CTNNA2: variants seen among roughly 807,000 people sequenced by gnomAD.
CTNNA2 encodes catenin alpha-2.
CTNNA2 carries 42 observed loss-of-function variants against 101.0 expected under a neutral mutation model. The ratio of observed to expected loss-of-function variants is 0.42; its 90% CI spans 0.32 to 0.54. The LOEUF (loss-of-function observed/expected upper bound fraction) is 0.54. CTNNA2 is among the 20% of genes least tolerant of loss of function. CTNNA2 has a pLI of 0.14. For missense variants in CTNNA2, 871 were observed against 1,223.1 expected (o/e 0.71, Z 4.29); for synonymous variants, 450 against 456.4 (o/e 0.99, Z 0.18).
intron 7 of CTNNA2, among the ~76,000 whole-genome samples, chr2:80,195,237 G>T (rs988606802): frequency 2.6e-5 from 4 of 151,982 alleles, no homozygotes; most frequent in African/African-American, 9.7e-5. Context: ...ACTCCAATAG[G>T]ACTATAAGCA....
At chr2:79,915,696 G>A (rs2916515) in intron 7 of CTNNA2, among the ~76,000 whole-genome samples, 89,438 of 151,990 alleles carry the variant, frequency 0.59, 26,509 homozygotes, top group East Asian at 0.78. Flanking sequence ...TTGTGCAATC[G>A]GATTTTTGCA....
At chr2:80,590,078 G>GC (rs1696332726) in intron 15 of CTNNA2, among the ~76,000 whole-genome samples, 1 of 152,200 alleles carries the variant, frequency 6.6e-6, no homozygotes, top group African/African-American at 2.4e-5. Flanking sequence ...TTAGCTCTGA[G>GC]CTAGTACCTT....
At chr2:79,237,844 C>G (rs144492139) in intron 2 of CTNNA2, among the ~76,000 whole-genome samples, 2 of 152,308 alleles carry the variant, frequency 1.3e-5, no homozygotes, top group Admixed American at 1.3e-4. Context: ...GGTCTTTTCT[C>G]TGGATTAGAC....
intron 7 of CTNNA2, among the ~76,000 whole-genome samples, chr2:80,143,922 G>A (rs17018687): frequency 1.3e-5 from 2 of 152,088 alleles, no homozygotes; most frequent in African/African-American, 4.8e-5. Flanking sequence ...ATCTGCAGGG[G>A]TACTTAAAGC....
chr2:80,180,608 T>C (rs1284969690), intron 7 of CTNNA2, among the ~76,000 whole-genome samples: 4 of 152,210 alleles, frequency 2.6e-5, no homozygotes, highest in African/African-American at 9.6e-5. Flanking sequence ...GTTCCTCTTG[T>C]AAGATCTGCC....
chr2:79,622,375 T>A (rs1429372426), intron 1 of CTNNA2, among the ~76,000 whole-genome samples: 2 of 152,116 alleles, frequency 1.3e-5, no homozygotes, highest in Non-Finnish European at 2.9e-5. Context: ...TCTGAAACAG[T>A]GAACAGATAA....
At chr2:79,751,526 G>A (rs1672034503) in intron 3 of CTNNA2, among the ~76,000 whole-genome samples, 1 of 148,520 alleles carries the variant, frequency 6.7e-6, no homozygotes, top group South Asian at 2.2e-4. Context: ...AACCTGGGAG[G>A]CGGAGGTTGC....
chr2:80,036,727 G>C (rs940052280), intron 7 of CTNNA2, among the ~76,000 whole-genome samples: 2 of 152,064 alleles, frequency 1.3e-5, no homozygotes, highest in Non-Finnish European at 2.9e-5. Context: ...GGTGGGTGGG[G>C]AAGCCAAGCA....
intron 7 of CTNNA2, among the ~76,000 whole-genome samples, chr2:80,026,429 T>A (rs1490550148): frequency 6.6e-6 from 1 of 152,210 alleles, no homozygotes; most frequent in East Asian, 1.9e-4. Flanking sequence ...GAGCTGTGAC[T>A]TAACCTTTCA....
chr2:80,374,678 C>CGTGCGTGTGTGT (rs1193858370), intron 7 of CTNNA2, among the ~76,000 whole-genome samples: 2 of 143,148 alleles, frequency 1.4e-5, no homozygotes, highest in Non-Finnish European at 3.0e-5. Flanking sequence ...TGCGTGCGTG[C>CGTGCGTGTGTGT]GTGCGTGTGT....
chr2:79,643,630 A>G (rs1212566758), intron 1 of CTNNA2, among the ~76,000 whole-genome samples: 1 of 152,088 alleles, frequency 6.6e-6, no homozygotes, highest in Non-Finnish European at 1.5e-5. Flanking sequence ...TTGTATTACC[A>G]CTTAGTTTTT....
At chr2:80,158,358 C>T (rs1344688081) in intron 7 of CTNNA2, among the ~76,000 whole-genome samples, 1 of 152,186 alleles carries the variant, frequency 6.6e-6, no homozygotes, top group African/African-American at 2.4e-5. Context: ...ATGCATTTCA[C>T]ATGTCATAAA....
intron 7 of CTNNA2, among the ~76,000 whole-genome samples, chr2:79,982,216 A>G (rs186903083): frequency 0.024 from 966 of 39,752 alleles, 73 homozygotes; most frequent in African/African-American, 0.058. Context: ...ATATATATAT[A>G]TATATATATA....
intron 11 of CTNNA2, among the ~76,000 whole-genome samples, chr2:80,555,263 T>A (rs567081164): frequency 6.6e-6 from 1 of 152,260 alleles, no homozygotes; most frequent in Non-Finnish European, 1.5e-5. Context: ...CTTGGTCAGA[T>A]TGACTTCATG....
At chr2:80,038,427 A>G (rs77303471) in intron 7 of CTNNA2, among the ~76,000 whole-genome samples, 1 of 152,138 alleles carries the variant, frequency 6.6e-6, no homozygotes, top group Non-Finnish European at 1.5e-5. Context: ...TCAAAAGTAA[A>G]ATTAAATGTG....
chr2:80,596,663 T>C (rs1304278511), intron 15 of CTNNA2, among the ~76,000 whole-genome samples: 2 of 152,008 alleles, frequency 1.3e-5, no homozygotes, highest in Non-Finnish European at 2.9e-5. Flanking sequence ...ACAGAGACAA[T>C]TTGACTTCTT....
intron 7 of CTNNA2, among the ~76,000 whole-genome samples, chr2:79,951,451 G>A (rs1216572636): frequency 2.0e-5 from 3 of 152,104 alleles, no homozygotes; most frequent in African/African-American, 7.2e-5. Context: ...CGGATCACTT[G>A]AGGTCAGGAT....
At chr2:80,487,057 G>A (rs943913484) in intron 9 of CTNNA2, among the ~76,000 whole-genome samples, 17 of 151,960 alleles carry the variant, frequency 1.1e-4, no homozygotes, top group East Asian at 7.8e-4. Flanking sequence ...AGGTCGAGGC[G>A]GGTGGATCAG....
In CTNNA2 at chr2:79,563,189, T is replaced by TATATATATATATATATA. The variant is rs879673133; in HGVS notation, c.-6+49982_-6+49983insATATATATATATATATA. Among the ~76,000 whole-genome samples the TATATATATATATATATA allele has an allele frequency of 4.5e-3, 181 of 40,302 alleles. 3 individuals are homozygous for TATATATATATATATATA. The highest frequency in any genetic ancestry group is 5.7e-3 in the African/African-American group (97 of 16,942). The allele number at this position is 40,302 out of a possible 152,430, so 26.4% of individuals were successfully genotyped here. A position where few individuals can be genotyped will look rare whatever the true frequency, so the allele number is the denominator to read the frequency against. Reference sequence around the variant, plus strand: ...TATATATATATATATATATATATATTTTCCTTCATTCTCTCAGTACTATTT... The same window carrying TATATATATATATATATA: ...TATATATATATATATATATATATATTATATATATATATATATATTCCTTCATTCTCTCAGTACTATTT... On this transcript the variant is annotated intron_variant, in intron 1 of 18. Coordinates refer to ENST00000402739, the MANE Select transcript of CTNNA2 (RefSeq NM_001282597.3).
Sources: gnomAD v4.1 joint callset for allele counts (sites outside exome capture counted in the v4.1 genomes callset) on GRCh38, gnomAD v4.1.1 for gene constraint, MANE v1.5 for transcripts, NCBI Gene and HGNC (gene_info 2026-07-23, HGNC 2026-07-21) for gene names.